Variants in HDAC9 observed in about 807,000 individuals in gnomAD.
The protein encoded by HDAC9 is histone deacetylase 9.
A neutral mutation model predicts 139.4 loss-of-function variants in HDAC9; 41 were observed. That is an observed-to-expected ratio of 0.29 (90% CI 0.23 to 0.38). HDAC9 has a LOEUF of 0.38. Among genes scored for constraint, HDAC9 ranks in the 10% least tolerant of loss-of-function variants. The probability of loss-of-function intolerance (pLI) is 1.00; values close to 1 mark genes in which losing one functional copy is unlikely to be tolerated. For synonymous variants in HDAC9, 517 were observed against 476.2 expected (o/e 1.09, Z -1.12); for missense variants, 1,147 against 1,297.0 (o/e 0.88, Z 1.78).
intron 1 of HDAC9, among the ~76,000 whole-genome samples, chr7:18,142,018 CCCTAGT>C (rs1785934536): frequency 6.6e-6 from 1 of 152,044 alleles, no homozygotes; most frequent in African/African-American, 2.4e-5. Context: ...ATCGAATTGA[CCCTAGT>C]CCTTTATTGT....
chr7:18,733,177 A>G (rs1301681179), intron 13 of HDAC9, among the ~76,000 whole-genome samples: 4 of 147,614 alleles, frequency 2.7e-5, no homozygotes, highest in African/African-American at 7.5e-5. Flanking sequence ...ACATGTATAT[A>G]TGTGTCTATA....
chr7:18,850,402 C>T (rs1313051584), intron 21 of HDAC9, among the ~76,000 whole-genome samples: 1 of 152,092 alleles, frequency 6.6e-6, no homozygotes, highest in Admixed American at 6.6e-5. Flanking sequence ...CAATGTCCTT[C>T]CAAAAATGAA....
chr7:18,300,151 T>C (rs1798440150), intron 1 of HDAC9, among the ~76,000 whole-genome samples: 1 of 152,140 alleles, frequency 6.6e-6, no homozygotes, highest in Non-Finnish European at 1.5e-5. Context: ...CCAACACAAA[T>C]TTGTAAACTT....
intron 22 of HDAC9, among the ~76,000 whole-genome samples, chr7:18,927,591 T>C (rs1048606466): frequency 1.8e-4 from 28 of 152,194 alleles, no homozygotes; most frequent in Admixed American, 1.1e-3. Flanking sequence ...AAAATTTAAT[T>C]TCAAATGAAA....
At chr7:18,602,458 T>C (rs1232850041) in intron 6 of HDAC9, among the ~76,000 whole-genome samples, 1 of 138,772 alleles carries the variant, frequency 7.2e-6, no homozygotes, top group African/African-American at 2.5e-5. Flanking sequence ...GTCTTGAATT[T>C]CCCATTAATT....
chr7:18,841,575 G>T (rs544276500), intron 21 of HDAC9, among the ~76,000 whole-genome samples: 43 of 152,198 alleles, frequency 2.8e-4, no homozygotes, highest in African/African-American at 9.9e-4. Context: ...GGTGATCAGG[G>T]CTTCTGAGGC....
intron 1 of HDAC9, among the ~76,000 whole-genome samples, chr7:18,401,418 G>A (rs927003529): frequency 6.6e-6 from 1 of 152,160 alleles, no homozygotes; most frequent in Admixed American, 6.6e-5. Context: ...GGTTGGGGTG[G>A]CCATATTCTG....
At chr7:18,211,825 A>T (rs1791957039) in intron 2 of HDAC9, among the ~76,000 whole-genome samples, 1 of 152,122 alleles carries the variant, frequency 6.6e-6, no homozygotes, top group Non-Finnish European at 1.5e-5. Flanking sequence ...GCCTCCTGTG[A>T]GGACATTTAG....
At chr7:18,261,811 G>A (rs1356866796) in intron 2 of HDAC9, among the ~76,000 whole-genome samples, 1 of 152,142 alleles carries the variant, frequency 6.6e-6, no homozygotes, top group African/African-American at 2.4e-5. Flanking sequence ...AAATAAATGG[G>A]CAAGGACACT....
At position 18,705,789 on chromosome 7, in the gene HDAC9, G is replaced by A. The variant is rs1467242936; in HGVS notation, c.1732-21791G>A. ...AATCGCTTGAACCTGGGAGGTGGAGGCTGCAGTGAGCCGAGATGGCACCAT... is the reference window on the plus strand; with the variant it reads ...AATCGCTTGAACCTGGGAGGTGGAGACTGCAGTGAGCCGAGATGGCACCAT... On this transcript the variant is annotated intron_variant, in intron 12 of 25. Transcript: ENST00000686413. Among the ~76,000 whole-genome samples the A allele has an allele frequency of 4.0e-5, 6 of 149,456 alleles. No homozygotes were observed. The Admixed American group carries it at 4.1e-4, about 10-fold the overall frequency.
intron 2 of HDAC9, among the ~76,000 whole-genome samples, chr7:18,179,525 T>G (rs544456033): frequency 3.9e-5 from 6 of 152,340 alleles, no homozygotes; most frequent in Admixed American, 1.3e-4. Flanking sequence ...GCTTTGTTTT[T>G]TTTGCTTCTA....
intron 11 of HDAC9, among the ~76,000 whole-genome samples, chr7:18,653,407 G>A (rs577445722): frequency 2.6e-5 from 4 of 151,606 alleles, no homozygotes; most frequent in Non-Finnish European, 4.4e-5. Flanking sequence ...TTGCTTGCTC[G>A]CTTGTTCTCT....
chr7:18,549,036 G>T (rs1171079067), intron 2 of HDAC9, among the ~76,000 whole-genome samples: 1 of 152,094 alleles, frequency 6.6e-6, no homozygotes, highest in African/African-American at 2.4e-5. Context: ...TCAAGAGATC[G>T]AGACTATCCT....
chr7:18,320,833 C>T (rs1286326923), intron 1 of HDAC9, among the ~76,000 whole-genome samples: 3 of 152,142 alleles, frequency 2.0e-5, no homozygotes, highest in Non-Finnish European at 4.4e-5. Context: ...TTGCTTGGCC[C>T]CTGCTCTGCC....
intron 1 of HDAC9, among the ~76,000 whole-genome samples, chr7:18,375,574 A>T (rs372347748): frequency 6.6e-6 from 1 of 152,022 alleles, no homozygotes; most frequent in East Asian, 1.9e-4. Flanking sequence ...CTTAGCTAGG[A>T]CACCACATAT....
At chr7:18,435,106 G>T (rs1791063152) in intron 1 of HDAC9, among the ~76,000 whole-genome samples, 1 of 144,162 alleles carries the variant, frequency 6.9e-6, no homozygotes, top group Non-Finnish European at 1.5e-5. Context: ...CTTTTGCTGC[G>T]ACATGGATGG....
chr7:18,146,424 AAAC>A (rs755031999), intron 1 of HDAC9, among the ~76,000 whole-genome samples: 24 of 152,156 alleles, frequency 1.6e-4, no homozygotes, highest in Middle Eastern at 6.3e-3. Flanking sequence ...TTGGTCAGGA[AAAC>A]AACAAAGGAA....
At chr7:18,548,638 G>T (rs994244333) in intron 2 of HDAC9, among the ~76,000 whole-genome samples, 23 of 152,010 alleles carry the variant, frequency 1.5e-4, no homozygotes, top group Non-Finnish European at 3.2e-4. Context: ...TATGACAAAG[G>T]ACTCATATCT....
chr7:18,158,873 C>T (rs1787415719), intron 1 of HDAC9, among the ~76,000 whole-genome samples: 1 of 152,202 alleles, frequency 6.6e-6, no homozygotes. Flanking sequence ...GCTGAGACTG[C>T]AGGATGTCAC....
Sources: allele counts gnomAD v4.1 joint callset (sites outside exome capture counted in the v4.1 genomes callset), GRCh38; gene constraint gnomAD v4.1.1; transcripts MANE v1.5; gene names NCBI Gene and HGNC (gene_info 2026-07-23, HGNC 2026-07-21).